The following STAU2 variants were observed in gnomAD, a reference collection of about 807,000 sequenced individuals.
STAU2 encodes double-stranded RNA-binding protein Staufen homolog 2.
In STAU2, 20 loss-of-function variants were observed where a neutral mutation model predicts 65.9. That is an observed-to-expected ratio of 0.30 (90% CI 0.21 to 0.44). The LOEUF is 0.44. STAU2 is among the 20% of genes least tolerant of loss of function. STAU2 has a pLI of 1.00. For missense variants in STAU2, 558 were observed against 683.9 expected, an observed-to-expected ratio of 0.82 and a Z score of 2.05; for synonymous variants, 232 against 233.9, an observed-to-expected ratio of 0.99 and a Z score of 0.07.
intron 13 of STAU2, among the ~76,000 whole-genome samples, chr8:73,503,185 C>T (rs914876182): frequency 7.2e-5 from 11 of 152,068 alleles, no homozygotes; most frequent in Admixed American, 1.3e-4. Flanking sequence ...GGAAAAGACA[C>T]GCTGCATAGC....
chr8:73,643,983 A>G (rs1243687049), intron 6 of STAU2, among the ~76,000 whole-genome samples: 5 of 152,232 alleles, frequency 3.3e-5, no homozygotes, highest in Admixed American at 3.3e-4. Context: ...GAAAGCAGGA[A>G]AGTGAGGAAC....
intron 6 of STAU2, among the ~76,000 whole-genome samples, chr8:73,663,356 C>T (rs1352342306): frequency 6.6e-6 from 1 of 152,102 alleles, no homozygotes; most frequent in Non-Finnish European, 1.5e-5. Context: ...ACTTAGCTTG[C>T]AAGCCATACA....
chr8:73,747,082 G>C (rs528260851), upstream of STAU2: 2 of 289,088 alleles, frequency 6.9e-6, no homozygotes, highest in Non-Finnish European at 1.2e-5. Flanking sequence ...TCGCGACGCA[G>C]CTCCCGCCCC....
chr8:73,514,727 C>A (rs115554176), intron 13 of STAU2, among the ~76,000 whole-genome samples: 1 of 152,162 alleles, frequency 6.6e-6, no homozygotes, highest in African/African-American at 2.4e-5. Context: ...CAAAATCTTA[C>A]TGGTTTGCAA....
intron 8 of STAU2, among the ~76,000 whole-genome samples, chr8:73,614,837 TA>T (rs1812719309): frequency 6.6e-6 from 1 of 152,322 alleles, no homozygotes; most frequent in South Asian, 2.1e-4. Context: ...GCTGGACCAA[TA>T]GGATCTCAAG....
chr8:73,611,913 C>T (rs1485373672), intron 9 of STAU2, among the ~76,000 whole-genome samples: 1 of 152,146 alleles, frequency 6.6e-6, no homozygotes, highest in Non-Finnish European at 1.5e-5. Flanking sequence ...AACTCCTAGC[C>T]TCAAATGATC....
intron 1 of STAU2, among the ~76,000 whole-genome samples, chr8:73,740,498 T>C (rs1188485157): frequency 6.6e-6 from 1 of 152,196 alleles, no homozygotes; most frequent in African/African-American, 2.4e-5. Flanking sequence ...AATGAGATTA[T>C]TCACAAGTGT....
At chr8:73,738,187 G>T in intron 3 of STAU2, 97 bp downstream of exon 3, 2 of 1,098,540 alleles carry the variant, frequency 1.8e-6, no homozygotes, top group Non-Finnish European at 2.8e-6. Flanking sequence ...TGATGAGTCA[G>T]GTTACAGTTA....
rs75222207 is a variant in STAU2, at chr8:73,437,858, G to A, written c.1531-15156C>T. On this transcript the variant is annotated intron_variant, in intron 13 of 14. Coordinates refer to ENST00000524300, the MANE Select transcript of STAU2 (RefSeq NM_001164380.2). ...GCCCTCCTGCTGCAGTGGCCTCTTCGCAGCAGGATCAGGCCACCTCCCACC... is the reference window on the plus strand; with the variant it reads ...GCCCTCCTGCTGCAGTGGCCTCTTCACAGCAGGATCAGGCCACCTCCCACC... Among the ~76,000 whole-genome samples the A allele has an allele frequency of 1.6e-3, 244 of 151,822 alleles. 1 individual carries two copies. The highest frequency in any genetic ancestry group is 5.7e-3 in the African/African-American group (237 of 41,360).
intron 6 of STAU2, among the ~76,000 whole-genome samples, chr8:73,655,819 T>C (rs1816324453): frequency 6.6e-6 from 1 of 151,960 alleles, no homozygotes; most frequent in African/African-American, 2.4e-5. Flanking sequence ...CGGCTAATTT[T>C]TTGTATTTTT....
At chr8:73,721,454 A>G (rs1488862730) in intron 3 of STAU2, among the ~76,000 whole-genome samples, 1 of 152,132 alleles carries the variant, frequency 6.6e-6, no homozygotes, top group Non-Finnish European at 1.5e-5. Flanking sequence ...ACTCAAGTCT[A>G]CTATATCTTT....
At chr8:73,731,275 TC>T (rs1215634339) in intron 3 of STAU2, among the ~76,000 whole-genome samples, 1 of 152,140 alleles carries the variant, frequency 6.6e-6, no homozygotes, top group East Asian at 1.9e-4. Context: ...AGTTTATGCC[TC>T]CCCAACGCCA....
At chr8:73,538,850 C>T (rs989036958) in intron 13 of STAU2, among the ~76,000 whole-genome samples, 3 of 152,090 alleles carry the variant, frequency 2.0e-5, no homozygotes, top group African/African-American at 7.2e-5. Flanking sequence ...CTACTTATGA[C>T]AGGTTCTTTT....
At chr8:73,452,209 T>C (rs1222350738) in intron 13 of STAU2, among the ~76,000 whole-genome samples, 1 of 152,126 alleles carries the variant, frequency 6.6e-6, no homozygotes, top group Non-Finnish European at 1.5e-5. Context: ...TCCCTCCAAT[T>C]ATCCACTGCC....
chr8:73,651,454 G>A (rs1815871083), intron 6 of STAU2: 1 of 671,576 alleles, frequency 1.5e-6, no homozygotes, highest in South Asian at 1.4e-5. Flanking sequence ...AACACGAACG[G>A]CAAATGCAGG....
In STAU2 at chr8:73,521,701, T is replaced by C. The variant is rs527270460; in HGVS notation, c.1530+30311A>G. Among the ~76,000 whole-genome samples the C allele has an allele frequency of 2.6e-5, 4 of 152,320 alleles. No individual in the cohort carries two copies. In the South Asian group the frequency reaches 8.3e-4, roughly 32 times the overall value. ...TGGGTGGCAGCAGCAAACTGCACCT[T>C]CCAGTCAGCCACTTGATCATGAGGA... On this transcript the variant is annotated intron_variant, in intron 13 of 14. Transcript: ENST00000524300.
intron 13 of STAU2, among the ~76,000 whole-genome samples, chr8:73,545,514 A>C (rs952142087): frequency 4.6e-5 from 7 of 152,220 alleles, no homozygotes; most frequent in Admixed American, 4.6e-4. Flanking sequence ...AATCAAGTAA[A>C]AACAAGTAAA....
chr8:73,448,201 G>T (rs1818581615), intron 13 of STAU2, among the ~76,000 whole-genome samples: 2 of 152,166 alleles, frequency 1.3e-5, no homozygotes, highest in African/African-American at 4.8e-5. Context: ...GGCAAATGTT[G>T]GCATAATCAT....
At position 73,429,982 on chromosome 8, in the gene STAU2, C is replaced by T. The variant is rs73686950; in HGVS notation, c.1531-7280G>A. On this transcript the variant is annotated intron_variant, in intron 13 of 14. Coordinates refer to ENST00000524300, the MANE Select transcript of STAU2 (RefSeq NM_001164380.2). ...AGCCCTGGGTTGACTTCCGAGGCTT[C>T]GCTCAGCACTTCCGTAACACTTGCA... Among the ~76,000 whole-genome samples the T allele has an allele frequency of 4.1e-3, 630 of 152,292 alleles. 5 individuals carry two copies. Among genetic ancestry groups the T allele is most frequent in the African/African-American group, 0.014 (599 of 41,560 alleles).
Sources: gnomAD v4.1 joint callset for allele counts (sites outside exome capture counted in the v4.1 genomes callset) on GRCh38, gnomAD v4.1.1 for gene constraint, MANE v1.5 for transcripts, NCBI Gene and HGNC (gene_info 2026-07-23, HGNC 2026-07-21) for gene names.